MDGA2: variants seen among roughly 807,000 people sequenced by gnomAD.
MDGA2 encodes the protein MAM domain-containing glycosylphosphatidylinositol anchor protein 2.
A neutral mutation model predicts 117.8 loss-of-function variants in MDGA2; 40 were observed. The ratio of observed to expected loss-of-function variants is 0.34; its 90% CI spans 0.26 to 0.44. The LOEUF (loss-of-function observed/expected upper bound fraction) is 0.44, where lower values mean the gene tolerates loss of function less well. Ranked by LOEUF, MDGA2 falls within the 20% of genes least tolerant of loss-of-function variation. MDGA2 has a pLI of 1.00. For synonymous variants in MDGA2, 452 were observed against 439.0 expected (o/e 1.03, Z -0.37); for missense variants, 1,123 against 1,250.6 (o/e 0.90, Z 1.54).
At chr14:47,620,311 T>G (rs1052222406) in intron 1 of MDGA2, among the ~76,000 whole-genome samples, 21 of 152,254 alleles carry the variant, frequency 1.4e-4, no homozygotes, top group Non-Finnish European at 7.3e-5. Context: ...CCAGGACACA[T>G]GGAACAAAAT....
chr14:46,928,143 T>G (rs1337668243), intron 9 of MDGA2, among the ~76,000 whole-genome samples: 3 of 152,284 alleles, frequency 2.0e-5, no homozygotes, highest in Middle Eastern at 6.8e-3. Context: ...GAAATGATTT[T>G]ATTTAAAACA....
chr14:47,432,353 G>A (rs1239897107), intron 1 of MDGA2, among the ~76,000 whole-genome samples: 3 of 152,058 alleles, frequency 2.0e-5, no homozygotes, highest in Non-Finnish European at 4.4e-5. Context: ...CAGTTGAAAT[G>A]TGTCATATTG....
intron 8 of MDGA2, among the ~76,000 whole-genome samples, chr14:47,026,631 G>A (rs997549614): frequency 6.6e-6 from 1 of 152,092 alleles, no homozygotes; most frequent in African/African-American, 2.4e-5. Context: ...TTACAGGGGA[G>A]ATGATCATAG....
At chr14:46,912,192 G>A (rs1361242830) in intron 10 of MDGA2, among the ~76,000 whole-genome samples, 1 of 152,140 alleles carries the variant, frequency 6.6e-6, no homozygotes, top group Non-Finnish European at 1.5e-5. Flanking sequence ...TCAAGGACCT[G>A]CTGTACTTTG....
chr14:47,284,637 A>G (rs1888610264), intron 2 of MDGA2, among the ~76,000 whole-genome samples: 2 of 152,174 alleles, frequency 1.3e-5, no homozygotes, highest in African/African-American at 4.8e-5. Flanking sequence ...GATCATTTGT[A>G]CATGTGTCAG....
At chr14:47,237,716 C>T (rs1264494882) in intron 2 of MDGA2, among the ~76,000 whole-genome samples, 1 of 152,068 alleles carries the variant, frequency 6.6e-6, no homozygotes, top group Non-Finnish European at 1.5e-5. Context: ...ATTCTTGAAT[C>T]ACCTCCATAT....
intron 5 of MDGA2, 111 bp downstream of exon 5, chr14:47,131,603 C>T (rs1316853670): frequency 3.9e-6 from 3 of 778,680 alleles, no homozygotes; most frequent in South Asian, 3.6e-5. Context: ...AATAAAGGTG[C>T]TTATTCCTAC....
chr14:47,330,560 T>C (rs1890265412), intron 1 of MDGA2, among the ~76,000 whole-genome samples: 1 of 151,898 alleles, frequency 6.6e-6, no homozygotes, highest in Non-Finnish European at 1.5e-5. Context: ...AAGAGAGGTT[T>C]AAATATACAG....
intron 5 of MDGA2, among the ~76,000 whole-genome samples, chr14:47,123,019 G>T (rs1044528785): frequency 6.6e-6 from 1 of 151,848 alleles, no homozygotes; most frequent in Non-Finnish European, 1.5e-5. Context: ...TTTAAAGTTA[G>T]AAAAATATAA....
intron 8 of MDGA2, among the ~76,000 whole-genome samples, chr14:46,970,064 G>C (rs1350905695): frequency 6.7e-6 from 1 of 149,784 alleles, no homozygotes; most frequent in African/African-American, 2.5e-5. Flanking sequence ...ACAAACAATT[G>C]GAAAGACATT....
intron 1 of MDGA2, among the ~76,000 whole-genome samples, chr14:47,653,905 C>T (rs1275648606): frequency 1.3e-5 from 2 of 152,098 alleles, no homozygotes; most frequent in Non-Finnish European, 2.9e-5. Context: ...ATGGATTCTC[C>T]CTTAGAGCTT....
chr14:47,260,561 A>C (rs1887762923), intron 2 of MDGA2, among the ~76,000 whole-genome samples: 1 of 152,134 alleles, frequency 6.6e-6, no homozygotes, highest in Non-Finnish European at 1.5e-5. Context: ...AAAGGTTTAG[A>C]AACATCATAG....
intron 1 of MDGA2, among the ~76,000 whole-genome samples, chr14:47,315,394 A>G (rs969131896): frequency 1.3e-5 from 2 of 152,086 alleles, no homozygotes; most frequent in Non-Finnish European, 2.9e-5. Flanking sequence ...CAACACCTCT[A>G]TTTATAACTT....
At chr14:47,156,097 G>A (rs990359975) in intron 3 of MDGA2, among the ~76,000 whole-genome samples, 4 of 150,812 alleles carry the variant, frequency 2.7e-5, no homozygotes, top group Non-Finnish European at 5.9e-5. Context: ...TAGTAGAGGC[G>A]GGGTTTCACC....
At chr14:47,525,773 G>A (rs1204361453) in intron 1 of MDGA2, among the ~76,000 whole-genome samples, 1 of 148,456 alleles carries the variant, frequency 6.7e-6, no homozygotes, top group East Asian at 2.0e-4. Flanking sequence ...GTTTTATTAT[G>A]GTGTGTCCAG....
At chr14:47,262,282 T>C (rs1393747735) in intron 2 of MDGA2, among the ~76,000 whole-genome samples, 1 of 152,158 alleles carries the variant, frequency 6.6e-6, no homozygotes, top group Non-Finnish European at 1.5e-5. Flanking sequence ...GTGGGAATGG[T>C]GTAGTGGTTA....
chr14:47,520,318 G>A (rs1023866174), intron 1 of MDGA2, among the ~76,000 whole-genome samples: 2 of 152,098 alleles, frequency 1.3e-5, no homozygotes, highest in Non-Finnish European at 1.5e-5. Flanking sequence ...TAAATGCAAT[G>A]GATACCTGCA....
intron 5 of MDGA2, among the ~76,000 whole-genome samples, chr14:47,117,215 C>T (rs1881378809): frequency 6.6e-6 from 1 of 152,124 alleles, no homozygotes; most frequent in African/African-American, 2.4e-5. Context: ...AAGATACCAA[C>T]TCACACCTGT....
intron 4 of MDGA2, among the ~76,000 whole-genome samples, chr14:47,137,445 C>T (rs1170644981): frequency 6.6e-6 from 1 of 151,994 alleles, no homozygotes; most frequent in Non-Finnish European, 1.5e-5. Context: ...CTGAGGGGGG[C>T]TGTGAGTTCT....
Sources: allele counts gnomAD v4.1 joint callset (sites outside exome capture counted in the v4.1 genomes callset), GRCh38; gene constraint gnomAD v4.1.1; transcripts MANE v1.5; gene names NCBI Gene and HGNC (gene_info 2026-07-23, HGNC 2026-07-21).